The following NCOA1 variants were observed in gnomAD, a reference collection of about 807,000 sequenced individuals.
NCOA1 encodes nuclear receptor coactivator 1.
NCOA1 carries 35 observed loss-of-function variants against 150.9 expected under a neutral mutation model. The ratio of observed to expected loss-of-function variants is 0.23; its 90% confidence interval spans 0.18 to 0.31. The LOEUF (loss-of-function observed/expected upper bound fraction) is 0.31, where lower values mean the gene tolerates loss of function less well. Among genes scored for constraint, NCOA1 ranks in the 10% least tolerant of loss-of-function variants. NCOA1 has a pLI of 1.00. For missense variants in NCOA1, 1,491 were observed against 1,749.3 expected, an observed-to-expected ratio of 0.85 and a Z score of 2.63; for synonymous variants, 590 against 630.0, an observed-to-expected ratio of 0.94 and a Z score of 0.95.
At chr2:24,499,170 A>G (rs1018506285) in intron 1 of NCOA1, among the ~76,000 whole-genome samples, 2 of 152,182 alleles carry the variant, frequency 1.3e-5, no homozygotes, top group Non-Finnish European at 2.9e-5. Flanking sequence ...TTTGAAGTCT[A>G]CATTTTGATG....
At chr2:24,650,259 C>T (rs1275385495) in intron 4 of NCOA1, among the ~76,000 whole-genome samples, 1 of 151,946 alleles carries the variant, frequency 6.6e-6, no homozygotes, top group Non-Finnish European at 1.5e-5. Context: ...GAAATCCCTA[C>T]CCATTCAATT....
intron 3 of NCOA1, among the ~76,000 whole-genome samples, chr2:24,607,617 G>C (rs113291657): frequency 6.6e-6 from 1 of 152,006 alleles, no homozygotes; most frequent in African/African-American, 2.4e-5. Flanking sequence ...GTGAACCCAG[G>C]GGGTGGAGAT....
chr2:24,630,525 G>A (rs1669661030), intron 3 of NCOA1, among the ~76,000 whole-genome samples: 2 of 152,080 alleles, frequency 1.3e-5, no homozygotes, highest in South Asian at 2.1e-4. Flanking sequence ...TCTCTGAGGC[G>A]GTGGTTCTCT....
Position 24,729,822 on chromosome 2 carries a change from G to A in NCOA1, c.3201+7G>A, listed in dbSNP as rs749722742. Reference sequence around the variant, plus strand: ...ATTACAGGGACAACAGCAGGTAAGTGCTCTTGTTTAGCAGTTGATACTTTT... The same window carrying A: ...ATTACAGGGACAACAGCAGGTAAGTACTCTTGTTTAGCAGTTGATACTTTT... On this transcript the variant is annotated splice_region_variant and intron_variant, in intron 17 of 22. Transcript: ENST00000348332. 13 of 1,605,654 alleles carry A rather than the reference G, an allele frequency of 8.1e-6. No individual in the cohort carries two copies. Among genetic ancestry groups the A allele is most frequent in the East Asian group, 2.2e-5 (1 of 44,726 alleles).
chr2:24,554,604 G>A (rs536725697), intron 1 of NCOA1: 1 of 152,306 alleles, frequency 6.6e-6, no homozygotes, highest in East Asian at 1.9e-4. Flanking sequence ...CTAATACCAG[G>A]GGGTAGCCCC....
At chr2:24,751,625 C>G (rs1358364506) in intron 19 of NCOA1, among the ~76,000 whole-genome samples, 1 of 151,864 alleles carries the variant, frequency 6.6e-6, no homozygotes, top group Non-Finnish European at 1.5e-5. Context: ...ACAAGTAATT[C>G]ATCATGTATG....
chr2:24,607,435 A>G (rs1245844017), intron 3 of NCOA1, among the ~76,000 whole-genome samples: 1 of 152,192 alleles, frequency 6.6e-6, no homozygotes, highest in Non-Finnish European at 1.5e-5. Context: ...CACACCTGTC[A>G]TCCCAGCACT....
At position 24,566,520 on chromosome 2, in the gene NCOA1, C is replaced by T. The variant is rs531926441; in HGVS notation, c.-260+2090C>T. On this transcript the variant is annotated intron_variant, in intron 2 of 22. Coordinates refer to ENST00000348332, the MANE Select transcript of NCOA1 (RefSeq NM_003743.5). ...TATGGGCTTCCCAGGGGCTGAAGTG[C>T]ATGCTGATTGGTTCATGAGTGGGCC... 5.9e-5 allele frequency among the ~76,000 whole-genome samples: 9 copies of T among 152,320 alleles called. No homozygotes were observed. The South Asian group carries it at 8.3e-4, about 14-fold the overall frequency.
intron 1 of NCOA1, among the ~76,000 whole-genome samples, chr2:24,551,931 G>A (rs1228525741): frequency 1.3e-5 from 2 of 151,952 alleles, no homozygotes; most frequent in African/African-American, 2.4e-5. Context: ...AGTTACCCTG[G>A]TACTTTTGTT....
In NCOA1 at chr2:24,741,862, C is replaced by A; in HGVS notation, c.3382C>A (p.Gln1128Lys). ...ACAGCACCGACAGAGGCAGCTAATA[C>A]AGCAGCAAAGAGCCATGCTTATGAG... ...SQQHRQRQLI[Q>K]QQRAMLMRQQ... Residue 1128 changes from glutamine to lysine, a missense_variant, in exon 19 of 23, where the codon CAG becomes AAG. By Grantham distance (53) the Gln-to-Lys change is moderately conservative. Transcript: ENST00000348332. 1 of 1,614,220 alleles carries A rather than the reference C, an allele frequency of 6.2e-7. No individual in the cohort carries two copies. The highest frequency in any genetic ancestry group is 8.5e-7 in the Non-Finnish European group (1 of 1,180,028).
chr2:24,765,921 G>A (rs1211359285), intron 22 of NCOA1, among the ~76,000 whole-genome samples: 2 of 127,516 alleles, frequency 1.6e-5, no homozygotes, highest in Non-Finnish European at 3.3e-5. Flanking sequence ...TTTTTGAGAC[G>A]GAGTCTTGCT....
At chr2:24,567,238 A>G (rs981671776) in intron 2 of NCOA1, among the ~76,000 whole-genome samples, 2 of 152,242 alleles carry the variant, frequency 1.3e-5, no homozygotes, top group Non-Finnish European at 2.9e-5. Flanking sequence ...CGTCCCTGGC[A>G]ATTAGTAGAT....
chr2:24,498,960 G>T (rs552260744), intron 1 of NCOA1, among the ~76,000 whole-genome samples: 8 of 148,650 alleles, frequency 5.4e-5, no homozygotes, highest in East Asian at 4.0e-4. Context: ...TTTTTTTTTT[G>T]AATAGAAGTT....
rs754730103 is a variant in NCOA1, at chr2:24,706,728, C to T, written c.1258C>T (p.Arg420Cys). 17 of 1,614,142 alleles carry T rather than the reference C, an allele frequency of 1.1e-5. No individual in the cohort carries two copies. The East Asian group carries it at 2.0e-4, about 19-fold the overall frequency. Residue 420 changes from arginine (R) to cysteine (C), a missense_variant, in exon 13 of 23, where the codon CGC becomes TGC. Arg to Cys is a radical substitution (Grantham distance 180, BLOSUM62 -3). This residue lies in a region of NCOA1 where 703 missense variants were observed against 717.7 expected (regional missense o/e 0.98). Transcript: ENST00000348332. ...NSNMVSTRIN[R>C]QQSSDLHSSS... The stretch of plus-strand genomic sequence containing the variant: ...CAACATGGTATCCACCAGAATAAAC[C>T]GCCAGCAGAGCTCAGACCTTCATAG...
intron 5 of NCOA1, among the ~76,000 whole-genome samples, chr2:24,659,558 CA>C (rs773673596): frequency 2.0e-4 from 31 of 152,154 alleles, no homozygotes; most frequent in Non-Finnish European, 4.3e-4. Flanking sequence ...GAATATACCA[CA>C]TTTGAAAAAT....
chr2:24,758,076 C>G lies in NCOA1; in HGVS notation c.3985C>G (p.Gln1329Glu), dbSNP rs1266651893. ...VSMAGGNTNV[Q>E]NMNPMMAQMQ... ...CATGGCAGGTGGAAATACGAATGTT[C>G]AGAACATGAACCCAATGATGGCCCA... Residue 1329 changes from glutamine (Q) to glutamate (E), a missense_variant, in exon 21 of 23, where the codon CAG becomes GAG. This residue lies in a region of NCOA1 where 485 missense variants were observed against 522.8 expected (regional missense o/e 0.93). Transcript: ENST00000348332. 2.5e-6 allele frequency: 4 copies of G among 1,613,956 alleles called. No individual in the cohort carries two copies. The highest frequency in any genetic ancestry group is 3.3e-5 in the Admixed American group (2 of 59,984).
intron 11 of NCOA1, among the ~76,000 whole-genome samples, chr2:24,703,960 A>G (rs190789267): frequency 2.2e-3 from 338 of 152,314 alleles, no homozygotes; most frequent in Admixed American, 7.3e-3. Context: ...TTAAAACATC[A>G]GTGATATTTT....
intron 1 of NCOA1, among the ~76,000 whole-genome samples, chr2:24,560,625 C>T (rs1666258651): frequency 6.6e-6 from 1 of 152,156 alleles, no homozygotes; most frequent in Admixed American, 6.5e-5. Context: ...AGGCTATTTC[C>T]TCCATGAAGC....
chr2:24,579,807 C>G (rs1039762307), intron 2 of NCOA1, among the ~76,000 whole-genome samples: 3 of 152,168 alleles, frequency 2.0e-5, no homozygotes, highest in Non-Finnish European at 1.5e-5. Context: ...CAGGAGTAGA[C>G]TAGGTCTTAA....
Sources: gnomAD v4.1 joint callset for allele counts (sites outside exome capture counted in the v4.1 genomes callset) on GRCh38, gnomAD v4.1.1 for gene constraint, gnomAD v4.1.1 regional missense constraint, MANE v1.5 for transcripts, NCBI Gene and HGNC (gene_info 2026-07-23, HGNC 2026-07-21) for gene names.